Variants in DPP6 observed in about 807,000 individuals in gnomAD.
DPP6 encodes the protein A-type potassium channel modulatory protein DPP6.
In DPP6, 69 loss-of-function variants were observed where a neutral mutation model predicts 122.6. The observed-to-expected ratio is 0.56, with a 90% CI of 0.46 to 0.69. The LOEUF (loss-of-function observed/expected upper bound fraction) is 0.69. Among genes scored for constraint, DPP6 ranks in the 30% least tolerant of loss-of-function variants. The pLI, the probability that DPP6 is intolerant of heterozygous loss-of-function variation, is 0.00. For synonymous variants in DPP6, 418 were observed against 433.1 expected, an observed-to-expected ratio of 0.97 and a Z score of 0.43; for missense variants, 928 against 1,116.9, an observed-to-expected ratio of 0.83 and a Z score of 2.41.
intron 1 of DPP6, among the ~76,000 whole-genome samples, chr7:154,395,888 G>A (rs1322000795): frequency 2.0e-5 from 3 of 148,796 alleles, no homozygotes; most frequent in Non-Finnish European, 3.0e-5. Flanking sequence ...TTCACTCTGG[G>A]TTTTTGTATG....
chr7:154,236,930 C>G (rs1801253841), intron 1 of DPP6, among the ~76,000 whole-genome samples: 1 of 152,124 alleles, frequency 6.6e-6, no homozygotes, highest in Admixed American at 6.5e-5. Flanking sequence ...GCACAACCTC[C>G]CTCCACACAG....
intron 3 of DPP6, among the ~76,000 whole-genome samples, chr7:154,520,405 C>G (rs148449535): frequency 2.6e-5 from 4 of 152,384 alleles, no homozygotes; most frequent in East Asian, 1.9e-4. Flanking sequence ...CATGCTCTAT[C>G]CCTTTCAGGA....
chr7:154,406,532 C>T (rs1816130011), intron 1 of DPP6, among the ~76,000 whole-genome samples: 1 of 151,998 alleles, frequency 6.6e-6, no homozygotes, highest in African/African-American at 2.4e-5. Flanking sequence ...CAAATGCACA[C>T]ACACACGCAC....
chr7:154,073,439 C>T (rs149669805), intron 1 of DPP6, among the ~76,000 whole-genome samples: 25 of 152,366 alleles, frequency 1.6e-4, no homozygotes, highest in Non-Finnish European at 2.2e-4. Flanking sequence ...GCTCCTGTTC[C>T]GCAGCCCCTG....
chr7:154,188,464 C>G (rs1798458022), intron 1 of DPP6, among the ~76,000 whole-genome samples: 1 of 152,022 alleles, frequency 6.6e-6, no homozygotes, highest in African/African-American at 2.4e-5. Flanking sequence ...AAATTACAAT[C>G]TAGTGGGGGT....
At chr7:154,071,558 C>A (rs568149330) in intron 1 of DPP6, among the ~76,000 whole-genome samples, 1 of 152,142 alleles carries the variant, frequency 6.6e-6, no homozygotes. Flanking sequence ...TCCAAACATA[C>A]GGAAAAGTGG....
At chr7:154,265,901 G>A (rs944971919) in intron 1 of DPP6, among the ~76,000 whole-genome samples, 1 of 152,072 alleles carries the variant, frequency 6.6e-6, no homozygotes, top group Non-Finnish European at 1.5e-5. Flanking sequence ...ACAAAATAAA[G>A]GGAAGAAAAG....
intron 10 of DPP6, among the ~76,000 whole-genome samples, chr7:154,777,220 C>T (rs953101943): frequency 2.6e-5 from 4 of 152,158 alleles, no homozygotes; most frequent in African/African-American, 7.2e-5. Flanking sequence ...AGCTTGTAGC[C>T]AGAGTCTGCA....
intron 1 of DPP6, among the ~76,000 whole-genome samples, chr7:153,965,467 C>G (rs1484780155): frequency 6.6e-6 from 1 of 152,178 alleles, no homozygotes; most frequent in African/African-American, 2.4e-5. Flanking sequence ...TTAGTTTCAT[C>G]AGGCTGTTGA....
Position 154,875,799 on chromosome 7 carries a change from C to A in DPP6, c.1884-107C>A. On this transcript the variant is annotated intron_variant, in intron 19 of 25. Transcript: ENST00000377770. This position sits in a 1 kb window ranked among gnomAD's most constrained non-coding sequence, Gnocchi z 4.5. ...GGTATGGAGTTGAGCGTGTGGCAGC[C>A]GGGTCACGGGTAAAATCCCTTACGG... 6.9e-7 allele frequency: 1 copy of A among 1,452,112 alleles called. No homozygotes were observed. The highest frequency in any genetic ancestry group is 9.2e-7 in the Non-Finnish European group (1 of 1,089,176). The allele number at this position is 1,452,112 out of a possible 1,614,324, so 90.0% of individuals were successfully genotyped here.
intron 1 of DPP6, among the ~76,000 whole-genome samples, chr7:154,108,485 A>G (rs145361240): frequency 1.2e-4 from 18 of 152,296 alleles, no homozygotes; most frequent in African/African-American, 3.6e-4. Flanking sequence ...GATGCTCTCC[A>G]CCTTATCAAT....
intron 17 of DPP6, among the ~76,000 whole-genome samples, chr7:154,854,752 C>T (rs923303218): frequency 6.6e-6 from 1 of 152,014 alleles, no homozygotes; most frequent in African/African-American, 2.4e-5. Context: ...TTGCCACGGG[C>T]ACATCCGTGT....
chr7:154,271,730 T>C (rs1309427882), intron 1 of DPP6, among the ~76,000 whole-genome samples: 1 of 152,150 alleles, frequency 6.6e-6, no homozygotes, highest in Non-Finnish European at 1.5e-5. Context: ...CAAAGCTAGA[T>C]ACAAGGCATC....
At chr7:153,931,191 A>G (rs1722567466) in intron 1 of DPP6, among the ~76,000 whole-genome samples, 1 of 152,206 alleles carries the variant, frequency 6.6e-6, no homozygotes, top group Admixed American at 6.5e-5. Flanking sequence ...ACTAATTACC[A>G]GAAACTCAGC....
intron 1 of DPP6, among the ~76,000 whole-genome samples, chr7:153,988,415 A>C (rs1242849060): frequency 6.6e-6 from 1 of 152,170 alleles, no homozygotes; most frequent in African/African-American, 2.4e-5. Flanking sequence ...AGGTGTGGTG[A>C]CGTGTGTGTG....
chr7:154,459,400 A>G (rs1193516240), intron 2 of DPP6, among the ~76,000 whole-genome samples: 1 of 152,206 alleles, frequency 6.6e-6, no homozygotes, highest in Non-Finnish European at 1.5e-5. Context: ...TTAATAGCTG[A>G]CCTTGGTGTT....
intron 3 of DPP6, chr7:154,475,375 AGGGCAC>A (rs1822641177): frequency 2.9e-6 from 1 of 339,208 alleles, no homozygotes; most frequent in Admixed American, 4.3e-5. Flanking sequence ...GGAACAGTGC[AGGGCAC>A]GGTGAGCTTT....
Position 154,600,818 on chromosome 7 carries a change from G to T in DPP6, c.627+33902G>T, listed in dbSNP as rs751976661. Among the ~76,000 whole-genome samples the T allele has an allele frequency of 1.5e-4, 18 of 121,452 alleles. 4 individuals are homozygous for T. The highest frequency in any genetic ancestry group is 4.5e-4 in the African/African-American group (17 of 38,160). 79.7% of individuals were successfully genotyped at this position (121,452 alleles called of 152,430 possible). ...TACTTAAAACCACTTGCAGCCAGGC[G>T]CAGTGGCTCATGCCTGTAATCCCAG... On this transcript the variant is annotated intron_variant, in intron 5 of 25. Coordinates refer to ENST00000377770, the MANE Select transcript of DPP6 (RefSeq NM_130797.4).
chr7:154,653,545 TATAG>T (rs141650974), intron 6 of DPP6, among the ~76,000 whole-genome samples: 5,940 of 152,174 alleles, frequency 0.039, 146 homozygotes, highest in Middle Eastern at 0.089. Flanking sequence ...GATAGATAGA[TATAG>T]ATAGATAATA....
Sources: allele counts gnomAD v4.1 joint callset (sites outside exome capture counted in the v4.1 genomes callset), GRCh38; gene constraint gnomAD v4.1.1; non-coding constraint Gnocchi (gnomAD v3.1); transcripts MANE v1.5; gene names NCBI Gene and HGNC (gene_info 2026-07-23, HGNC 2026-07-21).